The following FRMD4A variants were observed in gnomAD, a reference collection of about 807,000 sequenced individuals.
FRMD4A encodes the protein FERM domain containing 4A.
FRMD4A carries 29 observed loss-of-function variants against 129.1 expected under a neutral mutation model. The ratio of observed to expected loss-of-function variants is 0.22; its 90% CI spans 0.17 to 0.31. The LOEUF is 0.31. Ranked by LOEUF, FRMD4A falls within the 10% of genes least tolerant of loss-of-function variation. The probability of loss-of-function intolerance (pLI) is 1.00; values close to 1 mark genes in which losing one functional copy is unlikely to be tolerated. For synonymous variants in FRMD4A, 634 were observed against 571.6 expected (o/e 1.11, Z -1.56); for missense variants, 1,272 against 1,375.8 (o/e 0.92, Z 1.19).
intron 3 of FRMD4A, among the ~76,000 whole-genome samples, chr10:13,840,281 TC>T (rs761185173): frequency 7.3e-4 from 111 of 152,118 alleles, no homozygotes; most frequent in Admixed American, 1.8e-3. Flanking sequence ...CCAGGGATAC[TC>T]CAGTATACAG....
intron 2 of FRMD4A, among the ~76,000 whole-genome samples, chr10:14,294,568 G>T (rs145426168): frequency 3.9e-5 from 6 of 152,180 alleles, no homozygotes; most frequent in Non-Finnish European, 7.4e-5. Context: ...AGATTCAAAT[G>T]GACAAATCAG....
intron 2 of FRMD4A, among the ~76,000 whole-genome samples, chr10:13,989,628 A>G (rs1218477190): frequency 6.6e-6 from 1 of 152,162 alleles, no homozygotes; most frequent in Non-Finnish European, 1.5e-5. Context: ...CGCCCAGCCA[A>G]TAATTGATTT....
chr10:13,827,470 C>G (rs955553502), intron 3 of FRMD4A, among the ~76,000 whole-genome samples: 1 of 152,190 alleles, frequency 6.6e-6, no homozygotes, highest in African/African-American at 2.4e-5. Context: ...ATTTTGGAGG[C>G]GATGTTTTAT....
intron 12 of FRMD4A, among the ~76,000 whole-genome samples, chr10:13,731,180 A>C (rs2090300905): frequency 6.6e-6 from 1 of 152,148 alleles, no homozygotes; most frequent in African/African-American, 2.4e-5. Flanking sequence ...CAAAGGAGAG[A>C]GGAGAGCTAC....
chr10:13,996,955 T>A lies in FRMD4A; in HGVS notation c.46-138043A>T, dbSNP rs192321624. On this transcript the variant is annotated intron_variant, in intron 2 of 24. Transcript: ENST00000357447. ...AGCTGGGTTATGAAGCCCTGACCCA[T>A]GATTACATCAAGCCATTGAAAAAAA... 2.6e-5 allele frequency among the ~76,000 whole-genome samples: 4 copies of A among 151,552 alleles called. No homozygotes were observed. The East Asian group carries it at 7.8e-4, about 30-fold the overall frequency.
chr10:14,227,287 T>C (rs528819656), intron 2 of FRMD4A, among the ~76,000 whole-genome samples: 1 of 124,236 alleles, frequency 8.0e-6, no homozygotes, highest in African/African-American at 2.9e-5. Flanking sequence ...AGTCTCACTC[T>C]GTCACCCAGG....
intron 6 of FRMD4A, among the ~76,000 whole-genome samples, chr10:13,781,195 T>C (rs2092722742): frequency 6.6e-6 from 1 of 150,838 alleles, no homozygotes; most frequent in Admixed American, 6.6e-5. Context: ...TCCCAGCTAC[T>C]TAGGAGGGTG....
At position 14,185,634 on chromosome 10, in the gene FRMD4A, CAG is replaced by C. The variant is rs1187443871; in HGVS notation, c.45+144422_45+144423del. On this transcript the variant is annotated intron_variant, in intron 2 of 24. Coordinates refer to ENST00000357447, the MANE Select transcript of FRMD4A (RefSeq NM_018027.5). ...AGAAAGGGGATATATACTTCATGGT[CAG>C]AGAGCTGCAGGGGCGGTTGTTAGCT... Among the ~76,000 whole-genome samples the C allele has an allele frequency of 3.4e-4, 51 of 152,220 alleles. 1 individual carries two copies. Among genetic ancestry groups the C allele is most frequent in the African/African-American group, 1.2e-3 (51 of 41,514 alleles).
At position 13,898,042 on chromosome 10, in the gene FRMD4A, C is replaced by T. The variant is rs1472775293; in HGVS notation, c.46-39130G>A. On this transcript the variant is annotated intron_variant, in intron 2 of 24. Coordinates refer to ENST00000357447, the MANE Select transcript of FRMD4A (RefSeq NM_018027.5). ...CTGGCCTCAAAATGAACGGCCAGTC[C>T]TTTTGCCCCAAGCACCTTAGTGGCA... Among the ~76,000 whole-genome samples, 3 of 151,614 alleles carry T rather than the reference C, an allele frequency of 2.0e-5. No homozygotes were observed. In the South Asian group the frequency reaches 6.3e-4, roughly 32 times the overall value.
intron 2 of FRMD4A, among the ~76,000 whole-genome samples, chr10:14,191,982 C>G (rs1342400932): frequency 1.3e-5 from 2 of 152,048 alleles, no homozygotes; most frequent in Non-Finnish European, 2.9e-5. Flanking sequence ...TTTCACATCC[C>G]CGGTTGACAT....
intron 24 of FRMD4A, chr10:13,651,297 G>A (rs1208396919): frequency 2.6e-5 from 4 of 152,444 alleles, no homozygotes; most frequent in African/African-American, 9.7e-5. Context: ...AGAATGCTGG[G>A]GGTGCTTCTG....
chr10:14,158,276 T>C (rs1166914934), intron 2 of FRMD4A, among the ~76,000 whole-genome samples: 1 of 152,094 alleles, frequency 6.6e-6, no homozygotes, highest in Non-Finnish European at 1.5e-5. Context: ...GTGTTGGAGA[T>C]GAGAAACTTG....
intron 4 of FRMD4A, among the ~76,000 whole-genome samples, chr10:13,804,090 C>T (rs532837324): frequency 3.9e-5 from 6 of 152,292 alleles, no homozygotes; most frequent in Admixed American, 2.0e-4. Flanking sequence ...GTATGTTTGC[C>T]GTTGTTTCCG....
chr10:14,318,451 T>C (rs936694891), intron 2 of FRMD4A, among the ~76,000 whole-genome samples: 3 of 151,752 alleles, frequency 2.0e-5, no homozygotes, highest in Non-Finnish European at 4.4e-5. Context: ...CAATAAGAAC[T>C]GAATTTGGGA....
At chr10:13,945,279 AG>A (rs2095323499) in intron 2 of FRMD4A, among the ~76,000 whole-genome samples, 1 of 152,242 alleles carries the variant, frequency 6.6e-6, no homozygotes, top group South Asian at 2.1e-4. Flanking sequence ...ACTTTGGGAT[AG>A]GGTCTGTATG....
At chr10:14,143,088 CA>C (rs967871365) in intron 2 of FRMD4A, among the ~76,000 whole-genome samples, 2 of 151,954 alleles carry the variant, frequency 1.3e-5, no homozygotes, top group African/African-American at 4.8e-5. Context: ...GGTGGTTTCT[CA>C]AAAAAATAAA....
chr10:13,974,429 T>C (rs571968890), intron 2 of FRMD4A, among the ~76,000 whole-genome samples: 82 of 152,252 alleles, frequency 5.4e-4, no homozygotes, highest in Non-Finnish European at 9.6e-4. Context: ...TCTGTGCCCA[T>C]GGAAGCTCGG....
chr10:13,743,444 CT>C (rs1285039659), intron 9 of FRMD4A, among the ~76,000 whole-genome samples: 1 of 151,754 alleles, frequency 6.6e-6, no homozygotes, highest in African/African-American at 2.4e-5. Flanking sequence ...AGATAGGGAC[CT>C]TTTTCCTTTG....
chr10:13,869,877 A>G (rs931910461), intron 2 of FRMD4A, among the ~76,000 whole-genome samples: 1 of 152,236 alleles, frequency 6.6e-6, no homozygotes, highest in Non-Finnish European at 1.5e-5. Context: ...CTCATTTACA[A>G]CACAACTGCA....
Sources: gnomAD v4.1 joint callset for allele counts (sites outside exome capture counted in the v4.1 genomes callset) on GRCh38, gnomAD v4.1.1 for gene constraint, MANE v1.5 for transcripts, NCBI Gene and HGNC (gene_info 2026-07-23, HGNC 2026-07-21) for gene names.